The following FAM91A1 variants were observed in gnomAD, a reference collection of about 807,000 sequenced individuals.
FAM91A1 encodes the protein family with sequence similarity 91 member A1, also known as protein FAM91A1.
In FAM91A1, 41 loss-of-function variants were observed where a neutral mutation model predicts 113.5. The observed-to-expected ratio is 0.36, with a 90% CI of 0.28 to 0.47. FAM91A1 has a LOEUF of 0.47. FAM91A1 is among the 20% of genes least tolerant of loss of function. The pLI, the probability that FAM91A1 is intolerant of heterozygous loss-of-function variation, is 1.00. For synonymous variants in FAM91A1, 307 were observed against 347.9 expected (o/e 0.88, Z 1.31); for missense variants, 696 against 1,001.2 (o/e 0.70, Z 4.11).
chr8:123,799,989 T>C, intron 18 of FAM91A1, 104 bp downstream of exon 18: 1 of 988,114 alleles, frequency 1.0e-6, no homozygotes, highest in Non-Finnish European at 1.5e-6. Context: ...TTGAAATTTA[T>C]GAAGTTGAAA....
chr8:123,776,450 G>A (rs1043254982), intron 3 of FAM91A1, among the ~76,000 whole-genome samples: 7 of 152,132 alleles, frequency 4.6e-5, no homozygotes, highest in African/African-American at 1.4e-4. Context: ...CATGCATCCC[G>A]TGTTCCTCTT....
intron 1 of FAM91A1, among the ~76,000 whole-genome samples, chr8:123,772,439 G>A (rs542276993): frequency 5.9e-5 from 9 of 152,248 alleles, no homozygotes; most frequent in East Asian, 3.9e-4. Context: ...TCAGTACAAC[G>A]ACCCTGGCAT....
intron 16 of FAM91A1, 126 bp from the exon 17 acceptor site, chr8:123,799,394 A>C: frequency 5.0e-6 from 4 of 805,538 alleles, no homozygotes; most frequent in Non-Finnish European, 7.5e-6. Context: ...GAAACATTTA[A>C]AGTTATTTTC....
intron 23 of FAM91A1, 125 bp from the exon 24 acceptor site, chr8:123,812,393 TC>T: frequency 1.0e-5 from 6 of 575,392 alleles, no homozygotes; most frequent in South Asian, 9.7e-5. Context: ...GATCTTTGCA[TC>T]TCCTGTACTG....
At chr8:123,787,449 T>A in intron 13 of FAM91A1, 76 bp downstream of exon 13, 1 of 1,215,026 alleles carries the variant, frequency 8.2e-7, no homozygotes, top group Admixed American at 2.0e-5. Context: ...TGCTTTTATA[T>A]CTTTTTTAAA....
At chr8:123,792,490 TA>T (rs1815408363) in intron 15 of FAM91A1, among the ~76,000 whole-genome samples, 1 of 152,186 alleles carries the variant, frequency 6.6e-6, no homozygotes, top group African/African-American at 2.4e-5. Context: ...TCTTTGTCTT[TA>T]AAAGGACATT....
intron 12 of FAM91A1, 22 bp downstream of exon 12, chr8:123,786,632 C>T: frequency 3.2e-6 from 5 of 1,563,560 alleles, no homozygotes; most frequent in South Asian, 2.2e-5. Flanking sequence ...CTCAGTTTAA[C>T]ATAGAGTCTG....
chr8:123,775,122 T>C, intron 2 of FAM91A1, 25 bp from the exon 3 acceptor site: 1 of 1,547,842 alleles, frequency 6.5e-7, no homozygotes, highest in Non-Finnish European at 8.7e-7. Flanking sequence ...TGAAAAAAAC[T>C]GGAGAATTTC....
intron 20 of FAM91A1, 35 bp downstream of exon 20, chr8:123,806,264 A>G (rs1336856749): frequency 6.3e-7 from 1 of 1,583,212 alleles, no homozygotes; most frequent in South Asian, 1.1e-5. Flanking sequence ...GATTAAGATA[A>G]TTGGTTTTGA....
In FAM91A1 at chr8:123,814,024, C is replaced by T. The variant is rs1814645462; in HGVS notation, c.*1320C>T. On this transcript the variant is annotated 3_prime_UTR_variant, in exon 24 of 24. Coordinates refer to ENST00000334705, the MANE Select transcript of FAM91A1 (RefSeq NM_144963.4). The stretch of plus-strand genomic sequence containing the variant: ...CATACATACTTCAGGAAATATATGC[C>T]TTTCCTAAAACTTAACCATGCATTC... The T allele has an allele frequency of 1.1e-5, 3 of 277,920 alleles. No individual in the cohort carries two copies. Among genetic ancestry groups the T allele is most frequent in the African/African-American group, 2.4e-5 (1 of 42,160 alleles). 17.2% of individuals were successfully genotyped at this position (277,920 alleles called of 1,614,324 possible).
chr8:123,785,934 C>A, intron 11 of FAM91A1, 193 bp downstream of exon 11: 1 of 474,370 alleles, frequency 2.1e-6, no homozygotes, highest in Non-Finnish European at 3.9e-6. Flanking sequence ...TTTCATGCCT[C>A]AGCCTCCTGA....
intron 14 of FAM91A1, among the ~76,000 whole-genome samples, chr8:123,788,650 T>C (rs1042273490): frequency 6.6e-6 from 1 of 152,170 alleles, no homozygotes; most frequent in Non-Finnish European, 1.5e-5. Flanking sequence ...CCATTTCTTA[T>C]TGTATATTAT....
Position 123,768,710 on chromosome 8 carries a change from T to C in FAM91A1, c.8T>C (p.Ile3Thr), listed in dbSNP as rs937841472. MN[I>T]DVEFHIRHNY... ...GGCCCTGGCCGCGGCATCATGAACA[T>C]AGACGTGGAGTTCCACATCCGGCAC... is the stretch of plus-strand genomic sequence containing the variant. The change falls in exon 1 of 24, where the codon ATA (isoleucine) becomes ACA (threonine). Residue 3 changes from isoleucine (I) to threonine (T), a missense_variant. Coordinates refer to ENST00000334705, the MANE Select transcript of FAM91A1 (RefSeq NM_144963.4). The C allele has an allele frequency of 1.2e-6, 2 of 1,606,504 alleles. No individual in the cohort carries two copies. The highest frequency in any genetic ancestry group is 1.7e-5 in the Admixed American group (1 of 59,460).
At chr8:123,778,161 A>G in intron 5 of FAM91A1, 69 bp downstream of exon 5, 1 of 1,163,084 alleles carries the variant, frequency 8.6e-7, no homozygotes, top group East Asian at 2.4e-5. Flanking sequence ...TTTAAGTGGT[A>G]GAAATAATGA....
At chr8:123,806,663 G>A (rs990587381) in intron 20 of FAM91A1, among the ~76,000 whole-genome samples, 13 of 151,862 alleles carry the variant, frequency 8.6e-5, no homozygotes, top group African/African-American at 2.9e-4. Context: ...TTTCCACTAT[G>A]TTCAGTTAGT....
chr8:123,803,375 C>T (rs1315845029), intron 18 of FAM91A1, among the ~76,000 whole-genome samples: 2 of 152,038 alleles, frequency 1.3e-5, no homozygotes, highest in Non-Finnish European at 2.9e-5. Context: ...GTGGCATGAT[C>T]ACAGCTCACT....
chr8:123,787,387 T>C lies in FAM91A1; in HGVS notation c.1191+14T>C. The C allele has an allele frequency of 6.3e-7, 1 of 1,581,480 alleles. No homozygotes were observed. On this transcript the variant is annotated intron_variant, in intron 13 of 23. Transcript: ENST00000334705. ...AATCTTTCACCAGTAAGCCCAATTCTTGTTTAAATATGAAGGTGTTTAAAA... is the reference window on the plus strand; with the variant it reads ...AATCTTTCACCAGTAAGCCCAATTCCTGTTTAAATATGAAGGTGTTTAAAA...
rs889494508 is a variant in FAM91A1 at position 123,812,830 on chromosome 8, G to C, written c.*126G>C. On this transcript the variant is annotated 3_prime_UTR_variant, in exon 24 of 24. Coordinates refer to ENST00000334705, the MANE Select transcript of FAM91A1 (RefSeq NM_144963.4). ...AATTCTTGCTTAACTAATATTAAAA[G>C]TTGGGGAACATATTCATGTTTTCTG... 10 of 837,284 alleles carry C rather than the reference G, an allele frequency of 1.2e-5. No individual in the cohort carries two copies. In the African/African-American group the frequency reaches 1.8e-4, roughly 15 times the overall value. 51.9% of individuals were successfully genotyped at this position (837,284 alleles called of 1,614,324 possible).
rs1815207925 is a variant in FAM91A1, at chr8:123,784,637, G to A, written c.810+61G>A. ...AAGATTGTAAGTTTGTGTAAAGTAA[G>A]TAAAGTTATTTAATATGGTAGTATC... On this transcript the variant is annotated intron_variant, in intron 9 of 23. Transcript: ENST00000334705. 5 of 1,264,960 alleles carry A rather than the reference G, an allele frequency of 4.0e-6. No homozygotes were observed. The African/African-American group carries it at 4.5e-5, about 12-fold the overall frequency. The allele number at this position is 1,264,960 out of a possible 1,614,324, so 78.4% of individuals were successfully genotyped here. A position where few individuals can be genotyped will look rare whatever the true frequency, so the allele number is the denominator to read the frequency against.
Sources: gnomAD v4.1 joint callset for allele counts (sites outside exome capture counted in the v4.1 genomes callset) on GRCh38, gnomAD v4.1.1 for gene constraint, MANE v1.5 for transcripts, NCBI Gene and HGNC (gene_info 2026-07-23, HGNC 2026-07-21) for gene names.